Variants in KCNU1 observed in about 807,000 individuals in gnomAD.
The protein encoded by KCNU1 is potassium calcium-activated channel subfamily U member 1, also known as potassium channel subfamily U member 1.
In KCNU1, 93 loss-of-function variants were observed where a neutral mutation model predicts 126.8. The ratio of observed to expected loss-of-function variants is 0.73; its 90% CI spans 0.62 to 0.87. The LOEUF is 0.87. Ranked by LOEUF, KCNU1 falls within the 40% of genes least tolerant of loss-of-function variation. The pLI is 0.00. For missense variants in KCNU1, 1,330 were observed against 1,367.1 expected, an observed-to-expected ratio of 0.97 and a Z score of 0.43; for synonymous variants, 523 against 494.2, an observed-to-expected ratio of 1.06 and a Z score of -0.77.
chr8:36,866,771 G>C (rs908791519), intron 19 of KCNU1, among the ~76,000 whole-genome samples: 6 of 152,008 alleles, frequency 3.9e-5, no homozygotes, highest in Non-Finnish European at 5.9e-5. Flanking sequence ...ATGAATCAGA[G>C]GCCAAAGAAA....
At chr8:36,864,861 C>T (rs1368496633) in intron 19 of KCNU1, among the ~76,000 whole-genome samples, 1 of 152,058 alleles carries the variant, frequency 6.6e-6, no homozygotes, top group Non-Finnish European at 1.5e-5. Flanking sequence ...CCCCTATTTC[C>T]AATACATTCA....
intron 18 of KCNU1, among the ~76,000 whole-genome samples, chr8:36,860,598 G>T (rs116343984): frequency 6.6e-6 from 1 of 152,134 alleles, no homozygotes; most frequent in Non-Finnish European, 1.5e-5. Flanking sequence ...CCAGGGCAAG[G>T]AGGGGTGCAT....
At position 36,926,141 on chromosome 8, in the gene KCNU1, C is replaced by T. The variant is rs201320455; in HGVS notation, c.2736+3512C>T. Reference sequence around the variant, plus strand: ...AGGAATTCACTAAGTGCATTACCTCCATTACCTGGTTTAATTATCCTGTCA... The same window carrying T: ...AGGAATTCACTAAGTGCATTACCTCTATTACCTGGTTTAATTATCCTGTCA... On this transcript the variant is annotated intron_variant, in intron 24 of 26. Transcript: ENST00000399881. 1.1e-4 allele frequency among the ~76,000 whole-genome samples: 16 copies of T among 152,298 alleles called. No homozygotes were observed. The East Asian group carries it at 2.7e-3, about 26-fold the overall frequency.
intron 7 of KCNU1, among the ~76,000 whole-genome samples, chr8:36,812,706 G>A (rs1488115259): frequency 6.6e-6 from 1 of 152,108 alleles, no homozygotes; most frequent in Non-Finnish European, 1.5e-5. Flanking sequence ...ACCTTGGACT[G>A]ATGGGTCAAT....
At chr8:36,798,639 C>G (rs544342786) in intron 2 of KCNU1, among the ~76,000 whole-genome samples, 2 of 152,292 alleles carry the variant, frequency 1.3e-5, no homozygotes, top group Non-Finnish European at 2.9e-5. Flanking sequence ...TTACCTTAAC[C>G]TGAACATTTC....
rs77756905 is a variant in KCNU1 at position 36,829,304 on chromosome 8, T to C, written c.1107-4250T>C. Among the ~76,000 whole-genome samples the C allele has an allele frequency of 5.0e-3, 754 of 152,100 alleles. 10 individuals are homozygous for C. The highest frequency in any genetic ancestry group is 0.017 in the African/African-American group (715 of 41,544). On this transcript the variant is annotated intron_variant, in intron 10 of 26. Transcript: ENST00000399881. ...GTCAAATATTGAATATTTTCTATTA[T>C]ATTAAAGCACTTATTGTTTTTTGTT...
intron 19 of KCNU1, among the ~76,000 whole-genome samples, chr8:36,889,541 G>C (rs182177219): frequency 1.1e-4 from 17 of 151,916 alleles, no homozygotes; most frequent in Admixed American, 5.3e-4. Flanking sequence ...GAGGGAATAA[G>C]TACTCTTGAG....
intron 10 of KCNU1, among the ~76,000 whole-genome samples, chr8:36,831,534 T>C (rs1194863542): frequency 6.6e-6 from 1 of 151,754 alleles, no homozygotes; most frequent in Non-Finnish European, 1.5e-5. Flanking sequence ...TTTTCATGTG[T>C]TTTTTGGCTG....
chr8:36,932,514 CTG>C, intron 25 of KCNU1, among the ~76,000 whole-genome samples: 1 of 152,138 alleles, frequency 6.6e-6, no homozygotes, highest in Middle Eastern at 3.4e-3. Context: ...GTATTTGGGA[CTG>C]TGATCTGTTT....
chr8:36,918,287 A>T (rs1808197596), intron 22 of KCNU1, among the ~76,000 whole-genome samples: 1 of 152,174 alleles, frequency 6.6e-6, no homozygotes, highest in South Asian at 2.1e-4. Context: ...CATAGCTGTA[A>T]TCCCAGCACT....
chr8:36,808,652 G>C (rs1803595233), intron 6 of KCNU1, 66 bp from the exon 7 acceptor site: 1 of 945,782 alleles, frequency 1.1e-6, no homozygotes, highest in Admixed American at 2.0e-5. Context: ...ACATCTTAGA[G>C]GATGAGGTGT....
chr8:36,870,218 G>T (rs1806051987), intron 19 of KCNU1, among the ~76,000 whole-genome samples: 1 of 152,168 alleles, frequency 6.6e-6, no homozygotes, highest in African/African-American at 2.4e-5. Flanking sequence ...CTGGAAGCTT[G>T]CTAGTAAGTA....
chr8:36,853,153 C>A (rs895727734), intron 18 of KCNU1, among the ~76,000 whole-genome samples: 1 of 152,078 alleles, frequency 6.6e-6, no homozygotes, highest in African/African-American at 2.4e-5. Context: ...AGTTCGAGAC[C>A]AGACTGGTCC....
chr8:36,784,959 A>T (rs979992581), intron 1 of KCNU1, among the ~76,000 whole-genome samples: 3 of 152,248 alleles, frequency 2.0e-5, no homozygotes, highest in Non-Finnish European at 2.9e-5. Context: ...AGGTCATAGA[A>T]AGGAGGTGAA....
chr8:36,801,451 T>C (rs777102119), intron 2 of KCNU1, among the ~76,000 whole-genome samples: 5 of 151,958 alleles, frequency 3.3e-5, no homozygotes, highest in African/African-American at 4.8e-5. Context: ...TCTTTTTAAA[T>C]GTACTTACAT....
At chr8:36,835,065 C>G (rs552883617) in intron 12 of KCNU1, among the ~76,000 whole-genome samples, 197 bp downstream of exon 12, 1 of 152,212 alleles carries the variant, frequency 6.6e-6, no homozygotes, top group Non-Finnish European at 1.5e-5. Flanking sequence ...AACGGAGCAT[C>G]CTGAGTGTGA....
chr8:36,795,521 G>A (rs891499412), intron 2 of KCNU1: 4 of 152,738 alleles, frequency 2.6e-5, no homozygotes, highest in African/African-American at 7.2e-5. Context: ...GGCACCCCAG[G>A]AAAGTTCCTC....
chr8:36,890,311 G>A (rs1393615016), intron 19 of KCNU1, among the ~76,000 whole-genome samples: 1 of 151,928 alleles, frequency 6.6e-6, no homozygotes, highest in Non-Finnish European at 1.5e-5. Flanking sequence ...AAAATTGTAT[G>A]AGGTGACCAA....
At chr8:36,889,350 T>C (rs1806861910) in intron 19 of KCNU1, 1 of 450,302 alleles carries the variant, frequency 2.2e-6, no homozygotes, top group African/African-American at 2.0e-5. Flanking sequence ...CCTGTCATCA[T>C]AACTGGCTGC....
Sources: gnomAD v4.1 joint callset for allele counts (sites outside exome capture counted in the v4.1 genomes callset) on GRCh38, gnomAD v4.1.1 for gene constraint, MANE v1.5 for transcripts, NCBI Gene and HGNC (gene_info 2026-07-23, HGNC 2026-07-21) for gene names.